EPHB2: variants seen among roughly 807,000 people sequenced by gnomAD.
The protein encoded by EPHB2 is EPH receptor B2.
In EPHB2, 18 loss-of-function variants were observed where a neutral mutation model predicts 96.4. That is an observed-to-expected ratio of 0.19 (90% CI 0.13 to 0.28). EPHB2 has a LOEUF of 0.28. Among genes scored for constraint, EPHB2 ranks in the 10% least tolerant of loss-of-function variants. EPHB2 has a pLI of 1.00. For synonymous variants in EPHB2, 506 were observed against 534.1 expected, an observed-to-expected ratio of 0.95 and a Z score of 0.72; for missense variants, 989 against 1,355.4, an observed-to-expected ratio of 0.73 and a Z score of 4.25.
intron 9 of EPHB2, among the ~76,000 whole-genome samples, chr1:22,896,902 G>A (rs751689129): frequency 6.6e-5 from 10 of 152,176 alleles, no homozygotes; most frequent in Non-Finnish European, 1.5e-4. Context: ...CCAGCGTGGT[G>A]CCCAGCACAT....
At chr1:22,783,964 C>G (rs898210804) in intron 2 of EPHB2, among the ~76,000 whole-genome samples, 16 of 152,144 alleles carry the variant, frequency 1.1e-4, no homozygotes, top group Admixed American at 2.6e-4. Flanking sequence ...AGGGCTGTCT[C>G]TCCCTGGTCA....
chr1:22,894,548 G>A (rs1168249423), intron 7 of EPHB2, among the ~76,000 whole-genome samples: 1 of 149,954 alleles, frequency 6.7e-6, no homozygotes, highest in African/African-American at 2.5e-5. Flanking sequence ...AGTGAGCCGA[G>A]ATCGTGCCAT....
At chr1:22,844,307 G>GTTTATTGCCTTGTTTA (rs1406260790) in intron 3 of EPHB2, among the ~76,000 whole-genome samples, 2 of 152,218 alleles carry the variant, frequency 1.3e-5, no homozygotes, top group African/African-American at 4.8e-5. Flanking sequence ...CACATAAGAA[G>GTTTATTGCCTTGTTTA]ACAGAGACTC....
rs536168643 is a variant in EPHB2, at chr1:22,745,573, G to T, written c.61+34530G>T. On this transcript the variant is annotated intron_variant, in intron 1 of 15. Coordinates refer to ENST00000374630, the MANE Select transcript of EPHB2 (RefSeq NM_017449.5). ...CTTTACTGTATATGAGCTATACCTC[G>T]ATTAAAAAAAGCTTCAAACATCCCT... Among the ~76,000 whole-genome samples the T allele has an allele frequency of 1.5e-3, 233 of 152,248 alleles. 1 individual carries two copies. The highest frequency in any genetic ancestry group is 5.5e-3 in the African/African-American group (227 of 41,540).
intron 1 of EPHB2, among the ~76,000 whole-genome samples, chr1:22,734,239 C>T (rs1001479159): frequency 1.1e-4 from 17 of 151,838 alleles, no homozygotes; most frequent in Non-Finnish European, 1.9e-4. Flanking sequence ...ATAAATCTTA[C>T]CCCCCGGCAC....
intron 3 of EPHB2, among the ~76,000 whole-genome samples, chr1:22,840,518 C>T (rs965533030): frequency 6.6e-5 from 10 of 152,114 alleles, no homozygotes; most frequent in African/African-American, 9.7e-5. Context: ...TGGAGTGCAA[C>T]GATGTGACCT....
chr1:22,754,175 G>A (rs1644107990), intron 1 of EPHB2, among the ~76,000 whole-genome samples: 1 of 134,734 alleles, frequency 7.4e-6, no homozygotes, highest in Non-Finnish European at 1.6e-5. Context: ...TTCAGCCCAT[G>A]GAGATAGCAG....
At chr1:22,880,914 G>A (rs748315357) in intron 5 of EPHB2, among the ~76,000 whole-genome samples, 8 of 152,176 alleles carry the variant, frequency 5.3e-5, no homozygotes, top group African/African-American at 1.9e-4. Context: ...GACCTACCTC[G>A]GCACCTCAGG....
chr1:22,751,508 A>G (rs6697737), intron 1 of EPHB2, among the ~76,000 whole-genome samples: 8,477 of 152,270 alleles, frequency 0.056, 783 homozygotes, highest in African/African-American at 0.19. Context: ...CCAAGTCTCA[A>G]CAGAGCCTGA....
Position 22,918,615 on chromosome 1 carries a change from C to T in EPHB2, c.*5045C>T, listed in dbSNP as rs1434329886. 6.6e-6 allele frequency: 1 copy of T among 152,210 alleles called. No homozygotes were observed. Among genetic ancestry groups the T allele is most frequent in the Non-Finnish European group, 1.5e-5 (1 of 68,034 alleles). The allele number at this position is 152,210 out of a possible 1,614,324, so 9.4% of individuals were successfully genotyped here. ...CTACATACGCATGCGAATACACCAC[C>T]GGGTGGCCTTGACCCAGCCTTCTGC... On this transcript the variant is annotated 3_prime_UTR_variant, in exon 16 of 16. Coordinates refer to ENST00000374630, the MANE Select transcript of EPHB2 (RefSeq NM_017449.5). The surrounding 1 kb of genome is among the most constrained non-coding windows in gnomAD (Gnocchi z 4.2).
chr1:22,743,547 T>C (rs1433365790), intron 1 of EPHB2, among the ~76,000 whole-genome samples: 4 of 152,222 alleles, frequency 2.6e-5, no homozygotes, highest in African/African-American at 9.6e-5. Flanking sequence ...CTTGGCTCAC[T>C]GCAACCTCCA....
intron 1 of EPHB2, among the ~76,000 whole-genome samples, chr1:22,780,835 T>C (rs903546815): frequency 1.3e-5 from 2 of 152,100 alleles, no homozygotes; most frequent in African/African-American, 4.8e-5. Flanking sequence ...GACCATGATG[T>C]AAGGGTGGAC....
chr1:22,746,790 A>G (rs932217973), intron 1 of EPHB2, among the ~76,000 whole-genome samples: 6 of 152,100 alleles, frequency 3.9e-5, no homozygotes, highest in Admixed American at 2.6e-4. Flanking sequence ...CCTTCCCACG[A>G]GGGTGTAGGG....
At chr1:22,721,348 G>A (rs1643461490) in intron 1 of EPHB2, among the ~76,000 whole-genome samples, 1 of 152,138 alleles carries the variant, frequency 6.6e-6, no homozygotes, top group East Asian at 1.9e-4. Flanking sequence ...GCAAGAAATT[G>A]GCCTTCTGTT....
chr1:22,807,504 G>T (rs1644943542), intron 3 of EPHB2, among the ~76,000 whole-genome samples: 1 of 152,116 alleles, frequency 6.6e-6, no homozygotes, highest in Admixed American at 6.5e-5. Context: ...CATATGAGGA[G>T]CCCAGCCTCC....
At chr1:22,801,408 G>T (rs1208030666) in intron 3 of EPHB2, among the ~76,000 whole-genome samples, 1 of 152,082 alleles carries the variant, frequency 6.6e-6, no homozygotes, top group Non-Finnish European at 1.5e-5. Flanking sequence ...CGCCCTGGGT[G>T]GCAGCTGGTG....
intron 1 of EPHB2, among the ~76,000 whole-genome samples, chr1:22,779,110 G>A (rs958889054): frequency 3.9e-5 from 6 of 152,246 alleles, no homozygotes; most frequent in Admixed American, 6.5e-5. Flanking sequence ...GGCTTGGCGC[G>A]TCTCTGGCTG....
At chr1:22,783,911 T>C (rs1644570792) in intron 2 of EPHB2, among the ~76,000 whole-genome samples, 1 of 152,112 alleles carries the variant, frequency 6.6e-6, no homozygotes, top group Non-Finnish European at 1.5e-5. Flanking sequence ...TCATTGAGGA[T>C]GAGGACTGTC....
chr1:22,813,078 G>A (rs1449757963), intron 3 of EPHB2, among the ~76,000 whole-genome samples: 1 of 152,148 alleles, frequency 6.6e-6, no homozygotes, highest in Non-Finnish European at 1.5e-5. Context: ...TTATACTTCA[G>A]TATCATACTC....
Sources: allele counts gnomAD v4.1 joint callset (sites outside exome capture counted in the v4.1 genomes callset), GRCh38; gene constraint gnomAD v4.1.1; non-coding constraint Gnocchi (gnomAD v3.1); transcripts MANE v1.5; gene names NCBI Gene and HGNC (gene_info 2026-07-23, HGNC 2026-07-21).